DCDC2: variants seen among roughly 807,000 people sequenced by gnomAD.
DCDC2 encodes doublecortin domain containing 2.
In DCDC2, 40 loss-of-function variants were observed where a neutral mutation model predicts 50.2. That is an observed-to-expected ratio of 0.80 (90% CI 0.62 to 1.04). DCDC2 has a LOEUF of 1.04. DCDC2 is among the 50% of genes least tolerant of loss of function. DCDC2 has a pLI of 0.00. For synonymous variants in DCDC2, 234 were observed against 210.6 expected, an observed-to-expected ratio of 1.11 and a Z score of -0.96; for missense variants, 570 against 581.9, an observed-to-expected ratio of 0.98 and a Z score of 0.21.
intron 7 of DCDC2, among the ~76,000 whole-genome samples, chr6:24,228,751 GATGGAAT>G: frequency 6.6e-6 from 1 of 152,182 alleles, no homozygotes; most frequent in Non-Finnish European, 1.5e-5. Flanking sequence ...CCCAGGCTCT[GATGGAAT>G]AATCACATCT....
intron 2 of DCDC2, among the ~76,000 whole-genome samples, chr6:24,315,616 T>G (rs1455958784): frequency 6.6e-6 from 1 of 151,880 alleles, no homozygotes; most frequent in African/African-American, 2.4e-5. Flanking sequence ...ACAGAGAGGG[T>G]TAGTGATACA....
At chr6:24,256,786 G>A (rs1204143516) in intron 7 of DCDC2, among the ~76,000 whole-genome samples, 1 of 152,058 alleles carries the variant, frequency 6.6e-6, no homozygotes, top group African/African-American at 2.4e-5. Context: ...ATATCATGTA[G>A]ACAGCACTAC....
At chr6:24,181,501 AC>A (rs1374204613) in intron 8 of DCDC2, among the ~76,000 whole-genome samples, 2 of 152,206 alleles carry the variant, frequency 1.3e-5, no homozygotes, top group Non-Finnish European at 2.9e-5. Flanking sequence ...GGAGGAGAAT[AC>A]ATCACACATG....
intron 2 of DCDC2, among the ~76,000 whole-genome samples, chr6:24,350,517 G>T (rs1405970799): frequency 6.6e-6 from 1 of 152,152 alleles, no homozygotes; most frequent in Non-Finnish European, 1.5e-5. Context: ...TACTGGGGTG[G>T]TGGCTTTTAT....
intron 2 of DCDC2, among the ~76,000 whole-genome samples, chr6:24,346,715 T>C (rs1227188938): frequency 3.3e-5 from 5 of 151,318 alleles, no homozygotes; most frequent in Non-Finnish European, 7.4e-5. Context: ...GATCATACCA[T>C]TGCACTCCAG....
chr6:24,261,381 G>A (rs954792139), intron 7 of DCDC2, among the ~76,000 whole-genome samples: 1 of 151,798 alleles, frequency 6.6e-6, no homozygotes, highest in East Asian at 1.9e-4. Flanking sequence ...TATGGTTTGA[G>A]GTCTTTCTAC....
intron 7 of DCDC2, among the ~76,000 whole-genome samples, chr6:24,237,026 A>C (rs767501141): frequency 2.3e-4 from 35 of 151,460 alleles, no homozygotes; most frequent in Middle Eastern, 3.4e-3. Context: ...AAAAAGAAGA[A>C]GTGGACAAAG....
intron 1 of DCDC2, 38 bp downstream of exon 1, chr6:24,357,420 G>T: frequency 6.4e-7 from 1 of 1,560,264 alleles, no homozygotes; most frequent in Admixed American, 1.8e-5. Flanking sequence ...ACACTATAGG[G>T]CACCTAAATG....
At chr6:24,359,266 T>A (rs1301478483), upstream of DCDC2, among the ~76,000 whole-genome samples, 3 of 72,782 alleles carry the variant, frequency 4.1e-5, no homozygotes, top group South Asian at 3.9e-4. Flanking sequence ...AATATATATT[T>A]TATATTTTAT....
At chr6:24,191,822 G>A (rs572143663) in intron 8 of DCDC2, among the ~76,000 whole-genome samples, 1 of 152,162 alleles carries the variant, frequency 6.6e-6, no homozygotes, top group East Asian at 1.9e-4. Flanking sequence ...AGTGGAAAGG[G>A]AATATCAACC....
At chr6:24,356,387 G>A (rs1043258095) in intron 1 of DCDC2, among the ~76,000 whole-genome samples, 1 of 152,074 alleles carries the variant, frequency 6.6e-6, no homozygotes, top group Non-Finnish European at 1.5e-5. Flanking sequence ...ATAGATTAGT[G>A]GTTTCCAGAT....
rs571715338 is a variant in DCDC2 at position 24,336,042 on chromosome 6, G to A, written c.348+17527C>T. Among the ~76,000 whole-genome samples, 19 of 152,292 alleles carry A rather than the reference G, an allele frequency of 1.2e-4. No individual in the cohort carries two copies. The South Asian group carries it at 3.9e-3, about 32-fold the overall frequency. ...AGAAGGTATAATCATGCCATCAACA[G>A]CAACCAAATCCAGGTTCTAGAGGAA... On this transcript the variant is annotated intron_variant, in intron 2 of 9. Transcript: ENST00000378454.
chr6:24,213,045 TAA>T (rs924474793), intron 7 of DCDC2, among the ~76,000 whole-genome samples: 1 of 152,190 alleles, frequency 6.6e-6, no homozygotes, highest in African/African-American at 2.4e-5. Context: ...TCTCAAATTT[TAA>T]AAGTTACCCA....
intron 6 of DCDC2, among the ~76,000 whole-genome samples, chr6:24,287,476 A>C (rs1055629731): frequency 6.6e-6 from 1 of 151,770 alleles, no homozygotes; most frequent in Non-Finnish European, 1.5e-5. Flanking sequence ...TGTCACTTCT[A>C]CTCTGTGTAC....
At chr6:24,294,875 C>T (rs778483535) in intron 4 of DCDC2, among the ~76,000 whole-genome samples, 1 of 152,048 alleles carries the variant, frequency 6.6e-6, no homozygotes, top group African/African-American at 2.4e-5. Flanking sequence ...GATTCACAGT[C>T]GAATTCTACC....
chr6:24,236,747 C>T (rs2113787488), intron 7 of DCDC2, among the ~76,000 whole-genome samples: 1 of 152,232 alleles, frequency 6.6e-6, no homozygotes, highest in Middle Eastern at 3.4e-3. Context: ...CAGTGGCTCA[C>T]ACCTGTAACC....
intron 7 of DCDC2, among the ~76,000 whole-genome samples, chr6:24,231,708 A>C (rs183462391): frequency 6.6e-6 from 1 of 152,276 alleles, no homozygotes; most frequent in East Asian, 1.9e-4. Flanking sequence ...ACATTAAAAA[A>C]AACAGAACTG....
At chr6:24,290,113 C>T (rs1763710540) in intron 5 of DCDC2, among the ~76,000 whole-genome samples, 1 of 148,708 alleles carries the variant, frequency 6.7e-6, no homozygotes, top group South Asian at 2.2e-4. Flanking sequence ...CCTGCCTCAG[C>T]CTCCCAAGTA....
intron 8 of DCDC2, among the ~76,000 whole-genome samples, chr6:24,187,984 C>A (rs561458993): frequency 4.6e-5 from 7 of 152,206 alleles, no homozygotes; most frequent in Admixed American, 1.3e-4. Flanking sequence ...GATTTGAATT[C>A]TTTGACCATT....
Sources: gnomAD v4.1 joint callset for allele counts (sites outside exome capture counted in the v4.1 genomes callset) on GRCh38, gnomAD v4.1.1 for gene constraint, MANE v1.5 for transcripts, NCBI Gene and HGNC (gene_info 2026-07-23, HGNC 2026-07-21) for gene names.